The following TNRC6B variants were observed in gnomAD, a reference collection of about 807,000 sequenced individuals.
The protein encoded by TNRC6B is trinucleotide repeat-containing gene 6B protein.
TNRC6B carries 52 observed loss-of-function variants against 203.6 expected under a neutral mutation model. The ratio of observed to expected loss-of-function variants is 0.26; its 90% confidence interval spans 0.20 to 0.32. The LOEUF is 0.32. Among genes scored for constraint, TNRC6B ranks in the 10% least tolerant of loss-of-function variants. The pLI, the probability that TNRC6B is intolerant of heterozygous loss-of-function variation, is 1.00. For synonymous variants in TNRC6B, 838 were observed against 845.7 expected, an observed-to-expected ratio of 0.99 and a Z score of 0.16; for missense variants, 1,923 against 2,286.2, an observed-to-expected ratio of 0.84 and a Z score of 3.24.
At chr22:40,202,266 T>TTTTTTTGTTTTTTG (rs1569019057) in intron 1 of TNRC6B, among the ~76,000 whole-genome samples, 2 of 72,028 alleles carry the variant, frequency 2.8e-5, no homozygotes, top group Non-Finnish European at 5.0e-5. Context: ...TTTTGTTTTT[T>TTTTTTTGTTTTTTG]TTTTTTTTGC....
intron 1 of TNRC6B, among the ~76,000 whole-genome samples, chr22:40,201,242 AGT>A (rs1168732496): frequency 6.6e-6 from 1 of 152,122 alleles, no homozygotes; most frequent in Non-Finnish European, 1.5e-5. Context: ...TTTTGCTTTT[AGT>A]GGCTTTGTTA....
chr22:40,312,128 G>C (rs1317938610), intron 17 of TNRC6B, among the ~76,000 whole-genome samples: 2 of 152,220 alleles, frequency 1.3e-5, no homozygotes. Context: ...AAAGAGCACT[G>C]ATCTCTAGCC....
At chr22:40,099,623 C>A (rs1030439948) in intron 1 of TNRC6B, among the ~76,000 whole-genome samples, 30 of 152,164 alleles carry the variant, frequency 2.0e-4, no homozygotes, top group African/African-American at 7.2e-4. Flanking sequence ...GCTTACATAG[C>A]ATTTGCATTG....
chr22:40,116,208 A>C (rs2068386388), intron 1 of TNRC6B, among the ~76,000 whole-genome samples: 1 of 152,190 alleles, frequency 6.6e-6, no homozygotes, highest in Non-Finnish European at 1.5e-5. Context: ...TAAGGGGCCA[A>C]CTTCCAAATA....
intron 12 of TNRC6B, among the ~76,000 whole-genome samples, chr22:40,300,071 C>A (rs368772804): frequency 6.6e-6 from 1 of 152,150 alleles, no homozygotes; most frequent in Non-Finnish European, 1.5e-5. Context: ...AATACTTTCA[C>A]GTAAGTATTA....
intron 1 of TNRC6B, among the ~76,000 whole-genome samples, chr22:40,208,152 C>T (rs999045859): frequency 3.6e-5 from 5 of 139,056 alleles, no homozygotes; most frequent in Admixed American, 7.4e-5. Flanking sequence ...AAGAAAAAAA[C>T]AAGTTTTGGT....
intron 1 of TNRC6B, among the ~76,000 whole-genome samples, chr22:40,221,538 C>T (rs1420148769): frequency 6.6e-6 from 1 of 152,176 alleles, no homozygotes; most frequent in Non-Finnish European, 1.5e-5. Context: ...CTCCCTGGCT[C>T]AAGTGGTCCT....
chr22:40,097,826 A>T (rs1484714043), intron 1 of TNRC6B, among the ~76,000 whole-genome samples: 1 of 152,060 alleles, frequency 6.6e-6, no homozygotes, highest in Non-Finnish European at 1.5e-5. Flanking sequence ...TAAGATATAC[A>T]AAATGTTTTA....
At chr22:40,206,314 G>C (rs1417881898) in intron 1 of TNRC6B, among the ~76,000 whole-genome samples, 1 of 151,998 alleles carries the variant, frequency 6.6e-6, no homozygotes, top group Non-Finnish European at 1.5e-5. Flanking sequence ...ACGATTCCCT[G>C]CTTAAGAATA....
At chr22:40,279,219 G>T (rs2070692689) in intron 9 of TNRC6B, among the ~76,000 whole-genome samples, 1 of 152,148 alleles carries the variant, frequency 6.6e-6, no homozygotes, top group African/African-American at 2.4e-5. Context: ...AGTCTGTGGG[G>T]TTTTCATAGT....
chr22:40,051,996 G>A (rs1008081468), intron 1 of TNRC6B, among the ~76,000 whole-genome samples: 1 of 152,128 alleles, frequency 6.6e-6, no homozygotes, highest in African/African-American at 2.4e-5. Context: ...TGTGGCTAGT[G>A]GCTACCATGT....
chr22:40,174,840 A>T (rs1244741986), upstream of TNRC6B, among the ~76,000 whole-genome samples: 2 of 151,978 alleles, frequency 1.3e-5, no homozygotes, highest in Non-Finnish European at 2.9e-5. Flanking sequence ...AAAAAAAAAA[A>T]ATTTATTTCT....
intron 1 of TNRC6B, among the ~76,000 whole-genome samples, chr22:40,178,380 G>C (rs1176780753): frequency 6.6e-6 from 1 of 152,150 alleles, no homozygotes; most frequent in Non-Finnish European, 1.5e-5. Flanking sequence ...TGTATATGCA[G>C]ATTTTCATCA....
At chr22:40,256,910 A>G (rs765437632) in intron 3 of TNRC6B, among the ~76,000 whole-genome samples, 9 of 152,236 alleles carry the variant, frequency 5.9e-5, no homozygotes, top group Non-Finnish European at 8.8e-5. Flanking sequence ...GACTGGCAAC[A>G]AAGATCACTA....
chr22:40,285,940 A>G (rs2070773941), intron 12 of TNRC6B, among the ~76,000 whole-genome samples, 170 bp downstream of exon 12: 1 of 152,216 alleles, frequency 6.6e-6, no homozygotes, highest in Non-Finnish European at 1.5e-5. Flanking sequence ...AAAATATGAA[A>G]TATCTAGCTG....
upstream of TNRC6B, among the ~76,000 whole-genome samples, chr22:40,175,898 C>T (rs953812734): frequency 6.6e-6 from 1 of 152,126 alleles, no homozygotes; most frequent in Non-Finnish European, 1.5e-5. Flanking sequence ...AGAGCAAAGG[C>T]GGGAGACTGT....
chr22:40,052,444 ATTTTTTTTTTT>A (rs908013463), intron 1 of TNRC6B, among the ~76,000 whole-genome samples: 20 of 51,876 alleles, frequency 3.9e-4, no homozygotes, highest in African/African-American at 1.6e-3. Context: ...TGTGTATTGT[ATTTTTTTTTTT>A]TTTTTTTTTT....
chr22:40,105,070 G>A (rs1240697365), intron 1 of TNRC6B, among the ~76,000 whole-genome samples: 1 of 152,164 alleles, frequency 6.6e-6, no homozygotes, highest in Non-Finnish European at 1.5e-5. Flanking sequence ...CACAAGTAAA[G>A]GTAAAGAAAG....
intron 12 of TNRC6B, among the ~76,000 whole-genome samples, chr22:40,292,986 G>T (rs2146537120): frequency 6.6e-6 from 1 of 152,064 alleles, no homozygotes; most frequent in South Asian, 2.1e-4. Context: ...ATAGTATAGA[G>T]CCTCCTTCTT....
Sources: gnomAD v4.1 joint callset for allele counts (sites outside exome capture counted in the v4.1 genomes callset) on GRCh38, gnomAD v4.1.1 for gene constraint, MANE v1.5 for transcripts, NCBI Gene and HGNC (gene_info 2026-07-23, HGNC 2026-07-21) for gene names.